The following CDH12 variants were observed in gnomAD, a reference collection of about 807,000 sequenced individuals.
CDH12 encodes cadherin 12, also known as cadherin-12.
CDH12 carries 41 observed loss-of-function variants against 74.1 expected under a neutral mutation model. The ratio of observed to expected loss-of-function variants is 0.55; its 90% CI spans 0.43 to 0.72. CDH12 has a LOEUF of 0.72. Ranked by LOEUF, CDH12 falls within the 30% of genes least tolerant of loss-of-function variation. The probability of loss-of-function intolerance (pLI) is 0.00; values close to 1 mark genes in which losing one functional copy is unlikely to be tolerated. For missense variants in CDH12, 945 were observed against 977.2 expected, an observed-to-expected ratio of 0.97 and a Z score of 0.44; for synonymous variants, 399 against 355.0, an observed-to-expected ratio of 1.12 and a Z score of -1.39.
chr5:22,178,982 T>C (rs774853242), intron 4 of CDH12, among the ~76,000 whole-genome samples: 11 of 152,252 alleles, frequency 7.2e-5, no homozygotes, highest in Non-Finnish European at 1.6e-4. Context: ...CAAGTGGGTC[T>C]GAGTTCAAAT....
intron 3 of CDH12, among the ~76,000 whole-genome samples, chr5:22,217,289 G>A (rs964966531): frequency 1.3e-5 from 2 of 151,754 alleles, no homozygotes; most frequent in Non-Finnish European, 3.0e-5. Context: ...TAGAATGGAT[G>A]TTAGCCATCC....
At position 22,031,918 on chromosome 5, in the gene CDH12, G is replaced by A. The variant is rs181981383; in HGVS notation, c.231+46528C>T. ...TGGAATTTTCAAGAATTACCAAAAC[G>A]TGACACAAACACACAAAGTGAACCC... On this transcript the variant is annotated intron_variant, in intron 5 of 14. Coordinates refer to ENST00000382254, the MANE Select transcript of CDH12 (RefSeq NM_004061.5). Among the ~76,000 whole-genome samples the A allele has an allele frequency of 4.7e-3, 702 of 150,456 alleles. 8 individuals carry two copies. Among genetic ancestry groups the A allele is most frequent in the African/African-American group, 0.016 (669 of 41,426 alleles).
At chr5:22,624,854 T>C (rs1388506984) in intron 1 of CDH12, among the ~76,000 whole-genome samples, 2 of 152,210 alleles carry the variant, frequency 1.3e-5, no homozygotes, top group Non-Finnish European at 2.9e-5. Flanking sequence ...TAAAGACACA[T>C]GCACACGTAT....
At chr5:22,589,784 T>C (rs1447151564) in intron 1 of CDH12, among the ~76,000 whole-genome samples, 1 of 152,170 alleles carries the variant, frequency 6.6e-6, no homozygotes, top group East Asian at 1.9e-4. Context: ...TTTCCATATA[T>C]ACTCACATTT....
At chr5:22,336,585 C>A (rs1739592638) in intron 3 of CDH12, among the ~76,000 whole-genome samples, 1 of 152,192 alleles carries the variant, frequency 6.6e-6, no homozygotes, top group African/African-American at 2.4e-5. Flanking sequence ...CAGCTTGGGC[C>A]ATGGCTTCAG....
At chr5:22,427,286 G>A (rs376662912) in intron 2 of CDH12, among the ~76,000 whole-genome samples, 1 of 152,080 alleles carries the variant, frequency 6.6e-6, no homozygotes, top group East Asian at 1.9e-4. Flanking sequence ...TCCTGACTCA[G>A]CCTCTCAAGT....
At chr5:22,523,102 A>G (rs370001046) in intron 1 of CDH12, among the ~76,000 whole-genome samples, 4 of 152,294 alleles carry the variant, frequency 2.6e-5, no homozygotes, top group African/African-American at 9.6e-5. Context: ...GGATCCTAAG[A>G]TGGCAATTCA....
In CDH12 at chr5:21,751,885, G is replaced by A. The variant is rs751639786; in HGVS notation, c.2237C>T (p.Ser746Phe). 2 of 1,613,888 alleles carry A rather than the reference G, an allele frequency of 1.2e-6. No homozygotes were observed. The highest frequency in any genetic ancestry group is 2.7e-5 in the African/African-American group (2 of 74,858). Reference protein sequence around the residue: ...LATYAYEGSGSVAESLSSIDS... With the variant: ...LATYAYEGSGFVAESLSSIDS... ...TATAGAGCTGAGGGACTCTGCCACG[G>A]ACCCACTCCCTTCGTAGGCATATGT... The change falls in exon 15 of 15, where the codon TCC becomes TTC. Residue 746 changes from serine to phenylalanine, a missense_variant. Transcript: ENST00000382254.
chr5:22,499,618 A>G (rs1340059312), intron 2 of CDH12, among the ~76,000 whole-genome samples: 2 of 152,192 alleles, frequency 1.3e-5, no homozygotes, highest in East Asian at 3.9e-4. Context: ...GGTAGCAGAA[A>G]AAGATATTTG....
At chr5:22,815,283 TC>T (rs1749332284) in intron 1 of CDH12, among the ~76,000 whole-genome samples, 1 of 152,212 alleles carries the variant, frequency 6.6e-6, no homozygotes, top group Non-Finnish European at 1.5e-5. Flanking sequence ...GATTATTCTT[TC>T]TTTTGATGCT....
At chr5:21,982,870 AT>A (rs569024482) in intron 5 of CDH12, among the ~76,000 whole-genome samples, 7 of 151,530 alleles carry the variant, frequency 4.6e-5, no homozygotes, top group Admixed American at 2.6e-4. Context: ...TTGCATATGG[AT>A]TTTTTTTCCG....
chr5:22,676,402 T>C (rs1282612395), intron 1 of CDH12, among the ~76,000 whole-genome samples: 1 of 152,196 alleles, frequency 6.6e-6, no homozygotes, highest in Non-Finnish European at 1.5e-5. Context: ...TGCAGGACTT[T>C]TTGATTGCCT....
intron 3 of CDH12, among the ~76,000 whole-genome samples, chr5:22,324,068 A>G (rs1182811929): frequency 1.3e-5 from 2 of 152,188 alleles, no homozygotes; most frequent in Non-Finnish European, 1.5e-5. Context: ...GCATAGGCAT[A>G]CAACACATTT....
At chr5:22,389,641 A>G (rs1288299686) in intron 3 of CDH12, among the ~76,000 whole-genome samples, 1 of 139,214 alleles carries the variant, frequency 7.2e-6, no homozygotes, top group Non-Finnish European at 1.5e-5. Context: ...ATTTTTTAAT[A>G]AAAAGACAAT....
intron 5 of CDH12, among the ~76,000 whole-genome samples, chr5:21,990,414 G>A (rs1757695400): frequency 6.6e-6 from 1 of 151,984 alleles, no homozygotes; most frequent in Non-Finnish European, 1.5e-5. Flanking sequence ...TTGCGTTATT[G>A]TGTAAATTAC....
At chr5:22,827,386 G>A (rs1561059814) in intron 1 of CDH12, among the ~76,000 whole-genome samples, 1 of 152,178 alleles carries the variant, frequency 6.6e-6, no homozygotes, top group Non-Finnish European at 1.5e-5. Flanking sequence ...TAATATATTG[G>A]TTAAGGTAAT....
intron 10 of CDH12, among the ~76,000 whole-genome samples, chr5:21,790,735 C>T (rs1456466061): frequency 2.0e-5 from 3 of 151,774 alleles, no homozygotes; most frequent in Non-Finnish European, 4.4e-5. Context: ...ATGTCCTTTT[C>T]CCCCTTTCTC....
intron 4 of CDH12, among the ~76,000 whole-genome samples, chr5:22,111,477 A>G (rs1215676456): frequency 1.3e-5 from 2 of 152,116 alleles, no homozygotes; most frequent in Non-Finnish European, 1.5e-5. Context: ...GAATAATTCA[A>G]TTTGCGTTTC....
chr5:21,941,479 G>T (rs1051551973), intron 6 of CDH12, among the ~76,000 whole-genome samples: 15 of 151,742 alleles, frequency 9.9e-5, no homozygotes, highest in Non-Finnish European at 2.2e-4. Context: ...TAAATAATTT[G>T]TCAATTTATG....
Sources: allele counts gnomAD v4.1 joint callset (sites outside exome capture counted in the v4.1 genomes callset), GRCh38; gene constraint gnomAD v4.1.1; transcripts MANE v1.5; gene names NCBI Gene and HGNC (gene_info 2026-07-23, HGNC 2026-07-21).